Variants in HYDIN observed in about 807,000 individuals in gnomAD.
HYDIN encodes the protein axonemal central pair apparatus protein HYDIN.
Under a neutral mutation model 403.9 loss-of-function variants are expected in HYDIN, and 132 were observed. That is an observed-to-expected ratio of 0.33 (90% CI 0.28 to 0.38). The LOEUF (loss-of-function observed/expected upper bound fraction) is 0.38, where lower values mean the gene tolerates loss of function less well. HYDIN is among the 10% of genes least tolerant of loss of function. HYDIN has a pLI of 1.00. For synonymous variants in HYDIN, 1,202 were observed against 1,891.7 expected (o/e 0.64, Z 9.46); for missense variants, 2,827 against 5,009.5 (o/e 0.56, Z 13.15).
chr16:71,041,898 C>A (rs1406674302), intron 18 of HYDIN, among the ~76,000 whole-genome samples: 1 of 152,194 alleles, frequency 6.6e-6, no homozygotes, highest in African/African-American at 2.4e-5. Flanking sequence ...TCTCTTGCTG[C>A]AGTCTCATTC....
chr16:71,224,931 G>A (rs566248380), intron 1 of HYDIN, among the ~76,000 whole-genome samples: 2 of 152,306 alleles, frequency 1.3e-5, no homozygotes, highest in East Asian at 1.9e-4. Context: ...TCATCAATGA[G>A]TTGAAGTTAC....
chr16:70,901,584 C>CTTTT (rs77192535), intron 52 of HYDIN, among the ~76,000 whole-genome samples: 2 of 123,324 alleles, frequency 1.6e-5, no homozygotes, highest in African/African-American at 3.1e-5. Context: ...TATTTTCTTT[C>CTTTT]TTTTTTTTTT....
chr16:70,954,562 A>G (rs372144266), intron 40 of HYDIN, among the ~76,000 whole-genome samples: 2 of 151,436 alleles, frequency 1.3e-5, no homozygotes, highest in South Asian at 4.2e-4. Context: ...TGTGTTCCCT[A>G]TCTAGGTACA....
chr16:71,229,641 C>T (rs919224410), intron 1 of HYDIN, among the ~76,000 whole-genome samples: 1 of 152,058 alleles, frequency 6.6e-6, no homozygotes, highest in African/African-American at 2.4e-5. Context: ...ACAAGCCAGA[C>T]AAAAAGTGCT....
intron 47 of HYDIN, among the ~76,000 whole-genome samples, chr16:70,916,635 T>A (rs2076848368): frequency 6.6e-6 from 1 of 152,174 alleles, no homozygotes; most frequent in Non-Finnish European, 1.5e-5. Flanking sequence ...CCACCCGAGT[T>A]GGAGTTGCAT....
chr16:70,905,558 G>A (rs535658252), intron 50 of HYDIN, among the ~76,000 whole-genome samples: 134 of 145,080 alleles, frequency 9.2e-4, no homozygotes, highest in Middle Eastern at 3.5e-3. Flanking sequence ...GCTTGAGCCT[G>A]GGAGCTCAAG....
At chr16:70,922,122 C>T (rs905146500) in intron 45 of HYDIN, among the ~76,000 whole-genome samples, 9 of 152,300 alleles carry the variant, frequency 5.9e-5, no homozygotes, top group African/African-American at 9.6e-5. Context: ...GAGACATGAA[C>T]GACCAGGGGC....
At chr16:71,106,382 G>A (rs948867687) in intron 10 of HYDIN, among the ~76,000 whole-genome samples, 4 of 151,992 alleles carry the variant, frequency 2.6e-5, no homozygotes, top group African/African-American at 9.7e-5. Flanking sequence ...AGCTTTCCTT[G>A]ACATCCCAAG....
intron 1 of HYDIN, among the ~76,000 whole-genome samples, chr16:71,216,609 A>G (rs1397124189): frequency 6.6e-6 from 1 of 152,216 alleles, no homozygotes; most frequent in East Asian, 1.9e-4. Flanking sequence ...AAATGGTAAC[A>G]ATGTGTTTCA....
chr16:70,930,357 T>G (rs1367163712), intron 45 of HYDIN, among the ~76,000 whole-genome samples: 1 of 152,184 alleles, frequency 6.6e-6, no homozygotes, highest in African/African-American at 2.4e-5. Context: ...GGCACACGTC[T>G]GCAGTCCCAG....
At chr16:71,061,863 TG>T (rs2082093789) in intron 17 of HYDIN, among the ~76,000 whole-genome samples, 2 of 53,210 alleles carry the variant, frequency 3.8e-5, no homozygotes, top group Non-Finnish European at 1.1e-4. Flanking sequence ...TGTGTGACAG[TG>T]TGTGTGTGTG....
intron 18 of HYDIN, among the ~76,000 whole-genome samples, chr16:71,042,731 T>G (rs1273275705): frequency 6.6e-6 from 1 of 152,182 alleles, no homozygotes; most frequent in Non-Finnish European, 1.5e-5. Flanking sequence ...AAGAGGCAAA[T>G]TGCCTCTCAA....
At chr16:71,203,554 T>C (rs750268461) in intron 1 of HYDIN, among the ~76,000 whole-genome samples, 11 of 152,208 alleles carry the variant, frequency 7.2e-5, no homozygotes, top group South Asian at 2.1e-4. Flanking sequence ...ATATAATATA[T>C]AGACTAATTA....
At chr16:70,976,940 C>G (rs1484623359) in intron 30 of HYDIN, among the ~76,000 whole-genome samples, 1 of 151,890 alleles carries the variant, frequency 6.6e-6, no homozygotes, top group Non-Finnish European at 1.5e-5. Context: ...GGGAGAGGAG[C>G]AGCGTCTGCT....
intron 1 of HYDIN, among the ~76,000 whole-genome samples, chr16:71,208,175 C>T (rs1598033461): frequency 6.6e-6 from 1 of 152,142 alleles, no homozygotes; most frequent in Admixed American, 6.5e-5. Flanking sequence ...TGACATAAAA[C>T]AATCCTCAGC....
intron 1 of HYDIN, among the ~76,000 whole-genome samples, chr16:71,218,933 T>C (rs1032713657): frequency 4.6e-5 from 7 of 152,242 alleles, no homozygotes; most frequent in African/African-American, 1.4e-4. Context: ...AGACTACTTT[T>C]GGCTTCATAA....
Position 70,850,575 on chromosome 16 carries a change from A to G in HYDIN, c.12524T>C (p.Val4175Ala). The G allele has an allele frequency of 6.2e-7, 1 of 1,613,824 alleles. No individual in the cohort carries two copies. ...FNLICNVEKK[V>A]HPVTLNVKAE... ...CTTGACATTTAATGTCACAGGGTGG[A>G]CTTTCTTTTCCACATTGCAGATCAA... is the stretch of plus-strand genomic sequence containing the variant. The change falls in exon 74 of 86, where the codon GTC becomes GCC. Residue 4175 changes from valine to alanine, a missense_variant. Val to Ala is a moderately conservative substitution (Grantham distance 64). Transcript: ENST00000393567.
Position 71,230,687 on chromosome 16 carries a change from T to C in HYDIN, c.-149A>G, listed in dbSNP as rs780659207. 3.9e-6 allele frequency: 6 copies of C among 1,536,018 alleles called. No homozygotes were observed. The highest frequency in any genetic ancestry group is 2.4e-5 in the South Asian group (2 of 84,046). Reference sequence around the variant, plus strand: ...AGCTTGAAGCCGCCCGCACTCTCCATGCGCCGCCCGAGCTGTTGCCGTCCG... The same window carrying C: ...AGCTTGAAGCCGCCCGCACTCTCCACGCGCCGCCCGAGCTGTTGCCGTCCG... On this transcript the variant is annotated 5_prime_UTR_variant, in exon 1 of 86. An upstream start codon of the reference 5' UTR is lost. Coordinates refer to ENST00000393567, the MANE Select transcript of HYDIN (RefSeq NM_001270974.2).
intron 44 of HYDIN, among the ~76,000 whole-genome samples, chr16:70,938,285 G>T (rs1343755688): frequency 6.6e-6 from 1 of 152,230 alleles, no homozygotes; most frequent in African/African-American, 2.4e-5. Flanking sequence ...CACACGCGGG[G>T]GTGCTGGTCA....
Sources: allele counts gnomAD v4.1 joint callset (sites outside exome capture counted in the v4.1 genomes callset), GRCh38; gene constraint gnomAD v4.1.1; transcripts MANE v1.5; gene names NCBI Gene and HGNC (gene_info 2026-07-23, HGNC 2026-07-21).